The following FAM133A variants were observed in gnomAD, a reference collection of about 807,000 sequenced individuals.
The protein encoded by FAM133A is protein FAM133A.
For missense variants in FAM133A, 159 were observed against 164.4 expected, an observed-to-expected ratio of 0.97 and a Z score of 0.18; for synonymous variants, 65 against 58.6, an observed-to-expected ratio of 1.11 and a Z score of -0.50.
At chrX:93,697,485 T>C (rs1379867083) in intron 2 of FAM133A, among the ~76,000 whole-genome samples, 2 of 111,439 alleles carry the variant, frequency 1.8e-5, no homozygotes, top group Non-Finnish European at 3.8e-5. Flanking sequence ...AATAAATCCA[T>C]TACCTGTTAA....
chrX:93,694,141 T>A (rs772442815), intron 2 of FAM133A, among the ~76,000 whole-genome samples: 1 of 110,968 alleles, frequency 9.0e-6, no homozygotes, highest in African/African-American at 3.3e-5. Flanking sequence ...AAAATGCAGA[T>A]GAAAAATGTC....
At chrX:93,699,523 A>T (rs1465117647) in intron 3 of FAM133A, among the ~76,000 whole-genome samples, 1 of 111,543 alleles carries the variant, frequency 9.0e-6, no homozygotes, top group African/African-American at 3.2e-5. Context: ...GTAACAACAG[A>T]TTGTCATTCC....
intron 3 of FAM133A, among the ~76,000 whole-genome samples, chrX:93,703,205 T>TA (rs1926838392): frequency 9.0e-6 from 1 of 110,500 alleles, no homozygotes; most frequent in East Asian, 2.8e-4. Flanking sequence ...AAAATAAATA[T>TA]AAAATAAACC....
chrX:93,689,508 G>T (rs1446982445), intron 2 of FAM133A, among the ~76,000 whole-genome samples: 2 of 111,503 alleles, frequency 1.8e-5, no homozygotes, highest in Non-Finnish European at 3.8e-5. Flanking sequence ...CATGCAAACA[G>T]GTTACAAAAT....
chrX:93,678,676 G>C (rs768128764), intron 2 of FAM133A, among the ~76,000 whole-genome samples: 3 of 111,782 alleles, frequency 2.7e-5, no homozygotes, highest in Non-Finnish European at 5.7e-5. Flanking sequence ...TATTTCTTTT[G>C]ATATAGATAT....
At chrX:93,700,073 T>C (rs981687993) in intron 3 of FAM133A, among the ~76,000 whole-genome samples, 1 of 110,754 alleles carries the variant, frequency 9.0e-6, no homozygotes, top group Non-Finnish European at 1.9e-5. Context: ...AAATCAAGGT[T>C]ATGTCTCTTT....
intron 2 of FAM133A, among the ~76,000 whole-genome samples, chrX:93,681,924 G>A (rs1481577554): frequency 1.8e-5 from 2 of 111,799 alleles, no homozygotes; most frequent in Non-Finnish European, 3.8e-5. Context: ...CATGACAAGA[G>A]AATTACATAA....
chrX:93,678,308 G>T (rs1924863959), intron 2 of FAM133A, among the ~76,000 whole-genome samples: 1 of 111,298 alleles, frequency 9.0e-6, no homozygotes, highest in South Asian at 3.8e-4. Context: ...TTTTCTCTCA[G>T]ACTGCATATT....
chrX:93,679,915 ATTTTTTTTTTTTTTTT>A (rs376335726), intron 2 of FAM133A, among the ~76,000 whole-genome samples: 45 of 62,426 alleles, frequency 7.2e-4, no homozygotes, highest in African/African-American at 2.9e-3. Flanking sequence ...CTCCTGGCAA[ATTTTTTTTTTTTTTTT>A]TTTTTTTTTT....
chrX:93,689,804 C>A (rs1439015914), intron 2 of FAM133A, among the ~76,000 whole-genome samples: 1 of 111,040 alleles, frequency 9.0e-6, no homozygotes, highest in Non-Finnish European at 1.9e-5. Flanking sequence ...TTTGATGAGA[C>A]AATGGAAAGG....
Position 93,699,198 on chromosome X carries a change from G to C in FAM133A, c.-104+713G>C, listed in dbSNP as rs1926523147. On this transcript the variant is annotated intron_variant, in intron 3 of 3. Transcript: ENST00000683942. ...ATTTAGGTTGGAGTTCATAGATTTA[G>C]TTAAGGTCTTTGGTTATTATGCCAT... Among the ~76,000 whole-genome samples the C allele has an allele frequency of 2.7e-5, 3 of 111,476 alleles. No individual in the cohort carries two copies. The South Asian group carries it at 1.1e-3, about 42-fold the overall frequency.
chrX:93,679,572 T>A (rs1924959730), intron 2 of FAM133A, among the ~76,000 whole-genome samples: 1 of 111,168 alleles, frequency 9.0e-6, no homozygotes, highest in South Asian at 3.8e-4. Context: ...AAATTTTAAT[T>A]GTCATGTAAA....
chrX:93,687,256 G>T (rs933133603), intron 2 of FAM133A, among the ~76,000 whole-genome samples: 3 of 111,459 alleles, frequency 2.7e-5, no homozygotes, highest in Non-Finnish European at 3.8e-5. Context: ...AAGAAATATC[G>T]TATGTTCTCA....
intron 2 of FAM133A, among the ~76,000 whole-genome samples, chrX:93,678,690 G>A (rs1425936929): frequency 8.9e-6 from 1 of 112,116 alleles, no homozygotes; most frequent in Non-Finnish European, 1.9e-5. Context: ...TAGATATGCA[G>A]TTGTTCCAGC....
At chrX:93,687,844 A>G (rs1179543697) in intron 2 of FAM133A, among the ~76,000 whole-genome samples, 4 of 111,716 alleles carry the variant, frequency 3.6e-5, no homozygotes, top group Admixed American at 9.5e-5. Context: ...CCACTAATCT[A>G]CTTTCTACTT....
chrX:93,695,423 T>TTTTA (rs1254915782), intron 2 of FAM133A, among the ~76,000 whole-genome samples: 1 of 107,375 alleles, frequency 9.3e-6, no homozygotes, highest in Non-Finnish European at 1.9e-5. Flanking sequence ...CTGGCTAATT[T>TTTTA]TTCTAGTTTT....
At chrX:93,681,311 A>G (rs956865326) in intron 2 of FAM133A, among the ~76,000 whole-genome samples, 2 of 110,538 alleles carry the variant, frequency 1.8e-5, no homozygotes, top group Non-Finnish European at 3.8e-5. Flanking sequence ...CTATCTATCT[A>G]TCTTTGCAAT....
At position 93,686,060 on chromosome X, in the gene FAM133A, A is replaced by C. The variant is rs909421485; in HGVS notation, c.-193+11308A>C. 5.4e-5 allele frequency among the ~76,000 whole-genome samples: 5 copies of C among 93,312 alleles called. No homozygotes were observed. The Admixed American group carries it at 5.4e-4, about 10-fold the overall frequency. The allele number at this position is 93,312 out of a possible 115,157, so 81.0% of individuals were successfully genotyped here. ...GAGGCGGAGGCTGCAGTGAGCCTAGATGGCGCCACTGCACTCCAGCCAGGG... is the reference window on the plus strand; with the variant it reads ...GAGGCGGAGGCTGCAGTGAGCCTAGCTGGCGCCACTGCACTCCAGCCAGGG... On this transcript the variant is annotated intron_variant, in intron 2 of 3. Coordinates refer to ENST00000683942, the MANE Select transcript of FAM133A (RefSeq NM_001171109.2).
chrX:93,677,172 G>A (rs1200482674), intron 2 of FAM133A, among the ~76,000 whole-genome samples: 1 of 109,769 alleles, frequency 9.1e-6, no homozygotes, highest in African/African-American at 3.3e-5. Context: ...GGGGCTAAAT[G>A]TTCATGCTTC....
Sources: gnomAD v4.1 joint callset for allele counts (sites outside exome capture counted in the v4.1 genomes callset) on GRCh38, gnomAD v4.1.1 for gene constraint, MANE v1.5 for transcripts, NCBI Gene and HGNC (gene_info 2026-07-23, HGNC 2026-07-21) for gene names.